Variants in PDZRN4 observed in about 807,000 individuals in gnomAD.
The protein encoded by PDZRN4 is PDZ domain containing ring finger 4.
In PDZRN4, 70 loss-of-function variants were observed where a neutral mutation model predicts 99.0. The observed-to-expected ratio is 0.71, with a 90% CI of 0.58 to 0.86. The LOEUF is 0.86. PDZRN4 is among the 40% of genes least tolerant of loss of function. The probability of loss-of-function intolerance (pLI) is 0.00; values close to 1 mark genes in which losing one functional copy is unlikely to be tolerated. For missense variants in PDZRN4, 1,474 were observed against 1,331.2 expected, an observed-to-expected ratio of 1.11 and a Z score of -1.67; for synonymous variants, 551 against 501.6, an observed-to-expected ratio of 1.10 and a Z score of -1.32.
At chr12:41,251,483 C>T (rs1020351283) in intron 3 of PDZRN4, among the ~76,000 whole-genome samples, 1 of 152,026 alleles carries the variant, frequency 6.6e-6, no homozygotes, top group East Asian at 1.9e-4. Context: ...GGTATTTGTT[C>T]TTACTTCAAT....
intron 3 of PDZRN4, among the ~76,000 whole-genome samples, chr12:41,238,751 T>C (rs1951084414): frequency 6.6e-6 from 1 of 151,598 alleles, no homozygotes; most frequent in Non-Finnish European, 1.5e-5. Flanking sequence ...ATGGCTATTA[T>C]TAAAAAATAA....
intron 3 of PDZRN4, among the ~76,000 whole-genome samples, chr12:41,406,813 G>C (rs1249995754): frequency 6.9e-6 from 1 of 144,748 alleles, no homozygotes; most frequent in African/African-American, 2.6e-5. Context: ...AGCCAAAATC[G>C]TGCCATTGCC....
intron 3 of PDZRN4, among the ~76,000 whole-genome samples, chr12:41,458,103 A>G (rs754383263): frequency 6.6e-6 from 1 of 152,226 alleles, no homozygotes; most frequent in African/African-American, 2.4e-5. Context: ...TGTTAAAAGC[A>G]GAGAGTCTGA....
At chr12:41,223,260 A>T (rs1950970346) in intron 3 of PDZRN4, among the ~76,000 whole-genome samples, 1 of 152,166 alleles carries the variant, frequency 6.6e-6, no homozygotes, top group Admixed American at 6.6e-5. Flanking sequence ...TAATAAATAA[A>T]TTACTTTTAT....
At position 41,327,035 on chromosome 12, in the gene PDZRN4, T is replaced by C. The variant is rs987425054; in HGVS notation, c.843+132847T>C. Among the ~76,000 whole-genome samples the C allele has an allele frequency of 4.6e-5, 7 of 152,292 alleles. No homozygotes were observed. In the South Asian group the frequency reaches 1.4e-3, roughly 32 times the overall value. On this transcript the variant is annotated intron_variant, in intron 3 of 9. Coordinates refer to ENST00000402685, the MANE Select transcript of PDZRN4 (RefSeq NM_001164595.2). ...TCCAGGTCAGTATAGTCATTGACAA[T>C]CTCTATTTCTCTTGAAGATGCAATT... is the stretch of plus-strand genomic sequence containing the variant.
chr12:41,527,749 C>T (rs1592097912), intron 5 of PDZRN4, among the ~76,000 whole-genome samples: 1 of 152,274 alleles, frequency 6.6e-6, no homozygotes, highest in African/African-American at 2.4e-5. Flanking sequence ...AAGACAGTCA[C>T]CTGTCAAAAT....
intron 3 of PDZRN4, among the ~76,000 whole-genome samples, chr12:41,337,499 A>G (rs1294832841): frequency 6.6e-6 from 1 of 152,114 alleles, no homozygotes; most frequent in Non-Finnish European, 1.5e-5. Flanking sequence ...TGCCCTGAAC[A>G]TTGCTCTCAA....
chr12:41,445,061 C>T (rs1952712787), intron 3 of PDZRN4, among the ~76,000 whole-genome samples: 1 of 151,802 alleles, frequency 6.6e-6, no homozygotes, highest in East Asian at 1.9e-4. Context: ...TTTATATTTT[C>T]ACTGTTTAAT....
At chr12:41,551,571 TACTGAGTGCCCAC>T (rs1939057558) in intron 5 of PDZRN4, among the ~76,000 whole-genome samples, 1 of 152,136 alleles carries the variant, frequency 6.6e-6, no homozygotes, top group Non-Finnish European at 1.5e-5. Context: ...AGCTAGTTGT[TACTGAGTGCCCAC>T]ACTGAAATAT....
intron 3 of PDZRN4, among the ~76,000 whole-genome samples, chr12:41,505,161 C>T (rs1431858385): frequency 6.6e-6 from 1 of 152,120 alleles, no homozygotes; most frequent in Non-Finnish European, 1.5e-5. Flanking sequence ...TCTACAGCTG[C>T]AACTCAGTGA....
chr12:41,371,255 A>G (rs1474980718), intron 3 of PDZRN4, among the ~76,000 whole-genome samples: 2 of 151,550 alleles, frequency 1.3e-5, no homozygotes, highest in South Asian at 2.1e-4. Flanking sequence ...TTGAGATTCT[A>G]TAACTATTAT....
At chr12:41,364,348 A>G (rs943687372) in intron 3 of PDZRN4, among the ~76,000 whole-genome samples, 1 of 152,054 alleles carries the variant, frequency 6.6e-6, no homozygotes, top group African/African-American at 2.4e-5. Flanking sequence ...GCCATACTAC[A>G]TGCCTCATAG....
chr12:41,511,466 A>G (rs1384276271), intron 5 of PDZRN4, among the ~76,000 whole-genome samples: 1 of 152,056 alleles, frequency 6.6e-6, no homozygotes, highest in Non-Finnish European at 1.5e-5. Flanking sequence ...TCACAGCATC[A>G]TAGTCATTAA....
intron 3 of PDZRN4, among the ~76,000 whole-genome samples, chr12:41,446,764 T>C (rs1451306320): frequency 6.6e-6 from 1 of 151,936 alleles, no homozygotes; most frequent in Non-Finnish European, 1.5e-5. Context: ...GATAGTTCTC[T>C]ATGAGCAAGG....
chr12:41,312,192 G>T (rs575769374), intron 3 of PDZRN4, among the ~76,000 whole-genome samples: 4 of 151,016 alleles, frequency 2.6e-5, no homozygotes, highest in Non-Finnish European at 5.9e-5. Flanking sequence ...TTCATTTAGG[G>T]TTTCTATTTT....
At position 41,249,763 on chromosome 12, in the gene PDZRN4, C is replaced by T. The variant is rs558034286; in HGVS notation, c.843+55575C>T. ...TGAAGACTTTACACTTTGACATTTTCTGTTGACTTACTCTGCACTAAATTT... is the reference window on the plus strand; with the variant it reads ...TGAAGACTTTACACTTTGACATTTTTTGTTGACTTACTCTGCACTAAATTT... On this transcript the variant is annotated intron_variant, in intron 3 of 9. Transcript: ENST00000402685. 2.0e-3 allele frequency among the ~76,000 whole-genome samples: 297 copies of T among 152,290 alleles called. 8 individuals carry two copies. The South Asian group carries it at 0.043, about 22-fold the overall frequency.
chr12:41,478,154 C>T (rs1477515795), intron 3 of PDZRN4, among the ~76,000 whole-genome samples: 1 of 152,082 alleles, frequency 6.6e-6, no homozygotes, highest in Non-Finnish European at 1.5e-5. Flanking sequence ...CTCACTCTGT[C>T]ACCCAGGCTG....
rs183130062 is a variant in PDZRN4, at chr12:41,546,468, A to G, written c.1204-6188A>G. 7.0e-4 allele frequency among the ~76,000 whole-genome samples: 107 copies of G among 152,318 alleles called. 1 individual carries two copies. Among genetic ancestry groups the G allele is most frequent in the African/African-American group, 2.5e-3 (102 of 41,550 alleles). ...TTCATGATGTGTGAAAAATCATGAT[A>G]CATACTGTACGATCTCAGTCCCATA... is the stretch of plus-strand genomic sequence containing the variant. On this transcript the variant is annotated intron_variant, in intron 5 of 9. Transcript: ENST00000402685.
intron 3 of PDZRN4, among the ~76,000 whole-genome samples, chr12:41,337,621 T>A (rs1049889907): frequency 7.9e-5 from 12 of 152,132 alleles, no homozygotes; most frequent in Non-Finnish European, 1.8e-4. Context: ...ACTTCCAGTT[T>A]GTTATACAAT....
Sources: allele counts gnomAD v4.1 joint callset (sites outside exome capture counted in the v4.1 genomes callset), GRCh38; gene constraint gnomAD v4.1.1; transcripts MANE v1.5; gene names NCBI Gene and HGNC (gene_info 2026-07-23, HGNC 2026-07-21).